Variants in GMEB2 observed in about 807,000 individuals in gnomAD.
GMEB2 encodes the protein glucocorticoid modulatory element binding protein 2, also known as glucocorticoid modulatory element-binding protein 2.
GMEB2 carries 7 observed loss-of-function variants against 45.7 expected under a neutral mutation model. The observed-to-expected ratio is 0.15, with a 90% CI of 0.09 to 0.29. The LOEUF is 0.29. GMEB2 is among the 10% of genes least tolerant of loss of function. The pLI is 1.00. For synonymous variants in GMEB2, 322 were observed against 323.6 expected (o/e 1.00, Z 0.05); for missense variants, 582 against 739.2 (o/e 0.79, Z 2.47).
intron 6 of GMEB2, among the ~76,000 whole-genome samples, chr20:63,594,381 G>C (rs2146048797): frequency 6.6e-6 from 1 of 152,348 alleles, no homozygotes; most frequent in South Asian, 2.1e-4. Flanking sequence ...GGAGGCCCTG[G>C]GGAGGACAGA....
intron 9 of GMEB2, 41 bp from the exon 10 acceptor site, chr20:63,590,770 C>A: frequency 7.6e-7 from 1 of 1,319,126 alleles, no homozygotes; most frequent in Non-Finnish European, 1.0e-6. Flanking sequence ...GGGACGGGGG[C>A]ATGGATGGCG....
In GMEB2 at chr20:63,590,424, C is replaced by T. The variant is rs755695839; in HGVS notation, c.1258G>A (p.Ala420Thr). 8 of 1,555,040 alleles carry T rather than the reference C, an allele frequency of 5.1e-6. No homozygotes were observed. In the African/African-American group the frequency reaches 5.4e-5, roughly 11 times the overall value. Residue 420 changes from alanine to threonine, a missense_variant, in exon 10 of 10, where the codon GCC (alanine) becomes ACC (threonine). Ala to Thr is a moderately conservative substitution (Grantham distance 58, BLOSUM62 0). Transcript: ENST00000370077. ...LGKGSLQAPP[A>T]SSPASPLLGG... is the part of the protein sequence containing the mutation. ...AGCAGCGGGGAGGCCGGGGAGCTGG[C>T]GGGGGGCGCCTGAAGGGAACCCTTG... is the stretch of plus-strand genomic sequence containing the variant.
intron 3 of GMEB2, 125 bp from the exon 4 acceptor site, chr20:63,603,217 G>T: frequency 9.1e-7 from 1 of 1,093,366 alleles, no homozygotes; most frequent in South Asian, 1.5e-5. Context: ...AATCCAGGAA[G>T]GCCTGAGATA....
At chr20:63,602,520 T>G (rs540185595) in intron 4 of GMEB2, among the ~76,000 whole-genome samples, 1 of 152,334 alleles carries the variant, frequency 6.6e-6, no homozygotes, top group African/African-American at 2.4e-5. Context: ...GCCTCAGCAC[T>G]TCCTCTTTCT....
chr20:63,602,876 C>T, intron 4 of GMEB2, 89 bp downstream of exon 4: 5 of 1,210,960 alleles, frequency 4.1e-6, no homozygotes, highest in Middle Eastern at 2.1e-4. Flanking sequence ...GACCCTGCCT[C>T]AGGATGCACT....
At chr20:63,601,914 G>GGCCTGTGGCTTCTGTGCT (rs1406612806) in intron 4 of GMEB2, among the ~76,000 whole-genome samples, 9 of 145,572 alleles carry the variant, frequency 6.2e-5, no homozygotes, top group Non-Finnish European at 1.2e-4. Flanking sequence ...GCTTCCGTGG[G>GGCCTGTGGCTTCTGTGCT]GCCTGTGGCT....
chr20:63,609,690 C>CA (rs2089553859), intron 2 of GMEB2, among the ~76,000 whole-genome samples: 1 of 37,010 alleles, frequency 2.7e-5, no homozygotes, highest in African/African-American at 9.9e-5. Context: ...TCTGACCCAC[C>CA]TCCATTTCTA....
Position 63,589,030 on chromosome 20 carries a change from G to A in GMEB2, c.*1059C>T, listed in dbSNP as rs2083118949. The A allele has an allele frequency of 5.0e-6, 2 of 398,770 alleles. No individual in the cohort carries two copies. The highest frequency in any genetic ancestry group is 2.1e-5 in the African/African-American group (1 of 48,656). The allele number at this position is 398,770 out of a possible 1,614,324, so 24.7% of individuals were successfully genotyped here. ...TCTCCCTTGGACAGAGACCACCAAG[G>A]GCCAGCCCAGGGGCTGCATGGGGGC... On this transcript the variant is annotated 3_prime_UTR_variant, in exon 10 of 10. Transcript: ENST00000370077.
rs2083170873 is a variant in GMEB2 at position 63,593,684 on chromosome 20, T to G, written c.620-602A>C. ...GGCGTGTCGTTCATATGTGGCCATT[T>G]TGGGCGTTGCTGATAGAGACTTTAT... On this transcript the variant is annotated intron_variant, in intron 6 of 9. Transcript: ENST00000370077. The surrounding 1 kb of genome is among the most constrained non-coding windows in gnomAD (Gnocchi z 4.7). 6.7e-6 allele frequency among the ~76,000 whole-genome samples: 1 copy of G among 148,250 alleles called. No homozygotes were observed. Among genetic ancestry groups the G allele is most frequent in the Non-Finnish European group, 1.5e-5 (1 of 67,990 alleles).
Position 63,619,067 on chromosome 20 carries a change from C to T in GMEB2, c.131+200G>A, listed in dbSNP as rs1041079426. Among the ~76,000 whole-genome samples the T allele has an allele frequency of 3.9e-5, 6 of 152,226 alleles. No homozygotes were observed. Among genetic ancestry groups the T allele is most frequent in the Non-Finnish European group, 7.3e-5 (5 of 68,036 alleles). On this transcript the variant is annotated intron_variant, in intron 2 of 9. Transcript: ENST00000370077. This position sits in a 1 kb window ranked among gnomAD's most constrained non-coding sequence, Gnocchi z 4.6. ...GCAGGTACGGGAGGCCTCCCCGCAGCTGCAGCTGGGTCTTCTGGTCCCCGT... is the reference window on the plus strand; with the variant it reads ...GCAGGTACGGGAGGCCTCCCCGCAGTTGCAGCTGGGTCTTCTGGTCCCCGT...
chr20:63,619,480 G>T lies in GMEB2; in HGVS notation c.-57-26C>A. The T allele has an allele frequency of 7.1e-7, 1 of 1,409,110 alleles. No individual in the cohort carries two copies. The allele number at this position is 1,409,110 out of a possible 1,614,324, so 87.3% of individuals were successfully genotyped here. On this transcript the variant is annotated intron_variant, in intron 1 of 9. Transcript: ENST00000370077. The surrounding 1 kb of genome is among the most constrained non-coding windows in gnomAD (Gnocchi z 4.6). ...CTGGAGGAAGCAAGGCAGGGCACAGGGATGGAGTCATCTCCACATCCACAC... is the reference window on the plus strand; with the variant it reads ...CTGGAGGAAGCAAGGCAGGGCACAGTGATGGAGTCATCTCCACATCCACAC...
In GMEB2 at chr20:63,603,105, A is replaced by C; in HGVS notation, c.230-13T>G. The C allele has an allele frequency of 6.2e-7, 1 of 1,613,804 alleles. No homozygotes were observed. Among genetic ancestry groups the C allele is most frequent in the Non-Finnish European group, 8.5e-7 (1 of 1,179,804 alleles). On this transcript the variant is annotated splice_polypyrimidine_tract_variant and intron_variant, in intron 3 of 9. Transcript: ENST00000370077. ...TCAGCCATCTTCACTTCTCACAGGCACATTGACAGGGAAGGGTAAAAGCAG... is the reference window on the plus strand; with the variant it reads ...TCAGCCATCTTCACTTCTCACAGGCCCATTGACAGGGAAGGGTAAAAGCAG...
intron 9 of GMEB2, among the ~76,000 whole-genome samples, chr20:63,591,754 C>T (rs160395): frequency 0.51 from 78,230 of 152,134 alleles, 21,036 homozygotes; most frequent in Middle Eastern, 0.66. Context: ...CGTGAGCCAC[C>T]GCGCCTGGCC....
chr20:63,618,587 T>C (rs2089624784), intron 2 of GMEB2, among the ~76,000 whole-genome samples: 4 of 152,202 alleles, frequency 2.6e-5, no homozygotes, highest in South Asian at 4.1e-4. Context: ...AGTGATATGC[T>C]AGGTCAGCAT....
intron 1 of GMEB2, among the ~76,000 whole-genome samples, chr20:63,621,699 T>TAAAAAA (rs2089643577): frequency 7.6e-6 from 1 of 132,174 alleles, no homozygotes; most frequent in African/African-American, 2.8e-5. Flanking sequence ...AAAAAAAAAG[T>TAAAAAA]TTAAAATGGT....
At chr20:63,612,391 T>G (rs2089577643) in intron 2 of GMEB2, among the ~76,000 whole-genome samples, 1 of 152,148 alleles carries the variant, frequency 6.6e-6, no homozygotes, top group African/African-American at 2.4e-5. Context: ...TCGCTAGGTT[T>G]TAGTTCACCA....
In GMEB2 at chr20:63,587,883, C is replaced by G. The variant is rs2083107922; in HGVS notation, c.*2206G>C. 1 of 152,400 alleles carries G rather than the reference C, an allele frequency of 6.6e-6. No individual in the cohort carries two copies. Among genetic ancestry groups the G allele is most frequent in the African/African-American group, 2.4e-5 (1 of 41,478 alleles). The allele number at this position is 152,400 out of a possible 1,614,324, so 9.4% of individuals were successfully genotyped here. A position where few individuals can be genotyped will look rare whatever the true frequency, so the allele number is the denominator to read the frequency against. On this transcript the variant is annotated 3_prime_UTR_variant, in exon 10 of 10. Coordinates refer to ENST00000370077, the MANE Select transcript of GMEB2 (RefSeq NM_012384.5). ...CTGGGAGGTCCAGGGAACCCTGCCC[C>G]CGAGGAGCCAGCAGGACCTGGAGGA...
chr20:63,620,251 G>A (rs1259271795), intron 1 of GMEB2, among the ~76,000 whole-genome samples: 1 of 152,202 alleles, frequency 6.6e-6, no homozygotes, highest in Admixed American at 6.5e-5. Flanking sequence ...TTTGCCTTCA[G>A]CAAGTCCAAC....
intron 2 of GMEB2, among the ~76,000 whole-genome samples, chr20:63,617,080 T>C (rs545603401): frequency 6.6e-6 from 1 of 151,894 alleles, no homozygotes; most frequent in African/African-American, 2.4e-5. Context: ...GCTCAGGTGA[T>C]CCTCCTGCTT....
Sources: allele counts gnomAD v4.1 joint callset (sites outside exome capture counted in the v4.1 genomes callset), GRCh38; gene constraint gnomAD v4.1.1; non-coding constraint Gnocchi (gnomAD v3.1); transcripts MANE v1.5; gene names NCBI Gene and HGNC (gene_info 2026-07-23, HGNC 2026-07-21).